The following DLG2 variants were observed in gnomAD, a reference collection of about 807,000 sequenced individuals.
The protein encoded by DLG2 is disks large homolog 2.
DLG2 carries 45 observed loss-of-function variants against 132.5 expected under a neutral mutation model. The observed-to-expected ratio is 0.34, with a 90% CI of 0.27 to 0.44. The LOEUF is 0.44. DLG2 is among the 20% of genes least tolerant of loss of function. DLG2 has a pLI of 1.00. For synonymous variants in DLG2, 424 were observed against 419.6 expected, an observed-to-expected ratio of 1.01 and a Z score of -0.13; for missense variants, 1,045 against 1,196.9, an observed-to-expected ratio of 0.87 and a Z score of 1.87.
At chr11:84,499,964 T>G (rs1207668231) in intron 7 of DLG2, among the ~76,000 whole-genome samples, 1 of 152,162 alleles carries the variant, frequency 6.6e-6, no homozygotes, top group East Asian at 1.9e-4. Context: ...ATCTATTCAT[T>G]TATTTAAAAT....
At chr11:85,555,899 C>A (rs1381493079) in intron 3 of DLG2, among the ~76,000 whole-genome samples, 2 of 151,872 alleles carry the variant, frequency 1.3e-5, no homozygotes, top group African/African-American at 4.8e-5. Context: ...ATTGTCTATA[C>A]CTCCCATTTC....
chr11:84,681,381 A>G (rs1298040690), intron 6 of DLG2, among the ~76,000 whole-genome samples: 1 of 152,214 alleles, frequency 6.6e-6, no homozygotes, highest in Non-Finnish European at 1.5e-5. Context: ...CAAAAAGCTT[A>G]GGTACTTGAA....
chr11:85,425,024 A>C (rs2090603061), intron 3 of DLG2, among the ~76,000 whole-genome samples: 1 of 42,000 alleles, frequency 2.4e-5, no homozygotes, highest in Admixed American at 2.0e-4. Flanking sequence ...AGAGCAAAAA[A>C]CAAACAAACA....
chr11:84,845,802 CTT>C (rs1394412381), intron 6 of DLG2, among the ~76,000 whole-genome samples: 3 of 151,672 alleles, frequency 2.0e-5, no homozygotes, highest in Admixed American at 6.6e-5. Context: ...GCCTCAGCCT[CTT>C]GAGTAGCTGG....
At chr11:84,854,932 T>TAA (rs935338865) in intron 6 of DLG2, among the ~76,000 whole-genome samples, 6 of 152,062 alleles carry the variant, frequency 3.9e-5, no homozygotes, top group Non-Finnish European at 5.9e-5. Context: ...GGGCAGTTGC[T>TAA]AAACTGTCTA....
At chr11:84,832,816 C>A (rs1001414991) in intron 6 of DLG2, among the ~76,000 whole-genome samples, 7 of 151,492 alleles carry the variant, frequency 4.6e-5, no homozygotes, top group South Asian at 2.1e-4. Flanking sequence ...GCAATTCCCC[C>A]CTCCGCCCCC....
chr11:84,880,733 A>G (rs536480032), intron 6 of DLG2, among the ~76,000 whole-genome samples: 68 of 152,256 alleles, frequency 4.5e-4, no homozygotes, highest in African/African-American at 1.6e-3. Context: ...ATTTTTGTAC[A>G]TAATAGTCAA....
chr11:85,465,405 G>T (rs545493120), intron 3 of DLG2, among the ~76,000 whole-genome samples: 4 of 151,960 alleles, frequency 2.6e-5, no homozygotes, highest in Middle Eastern at 3.4e-3. Flanking sequence ...GCTGCACCCA[G>T]TAACTCGTCA....
intron 7 of DLG2, among the ~76,000 whole-genome samples, chr11:84,350,935 T>A (rs965181870): frequency 1.3e-5 from 2 of 152,124 alleles, no homozygotes; most frequent in African/African-American, 4.8e-5. Flanking sequence ...CCTATTCCTA[T>A]CCCTCCCCTT....
chr11:83,991,090 A>G (rs1050835009), intron 11 of DLG2, among the ~76,000 whole-genome samples: 9 of 152,320 alleles, frequency 5.9e-5, no homozygotes, highest in African/African-American at 2.2e-4. Flanking sequence ...AAATACCAAA[A>G]AAAAGTATGT....
chr11:85,097,209 T>A (rs919045175), intron 6 of DLG2, among the ~76,000 whole-genome samples: 2 of 152,154 alleles, frequency 1.3e-5, no homozygotes, highest in African/African-American at 4.8e-5. Flanking sequence ...GTTTCTCCTA[T>A]AAGAATGATT....
At chr11:85,626,298 G>T (rs1246872830) in intron 2 of DLG2, among the ~76,000 whole-genome samples, 1 of 152,116 alleles carries the variant, frequency 6.6e-6, no homozygotes, top group Non-Finnish European at 1.5e-5. Flanking sequence ...CCTTCAACAA[G>T]CTAAGAAAAC....
At chr11:84,345,072 G>A (rs1446953852) in intron 7 of DLG2, among the ~76,000 whole-genome samples, 2 of 152,144 alleles carry the variant, frequency 1.3e-5, no homozygotes, top group African/African-American at 4.8e-5. Context: ...CTTTGGCTGA[G>A]GGTCCAATCG....
chr11:83,463,330 T>C (rs2090401458), intron 26 of DLG2, among the ~76,000 whole-genome samples: 1 of 152,184 alleles, frequency 6.6e-6, no homozygotes, highest in Admixed American at 6.5e-5. Flanking sequence ...TCCTGAACTC[T>C]TGTTGCTAAA....
chr11:84,282,657 A>G lies in DLG2; in HGVS notation c.520-31366T>C, dbSNP rs374827374. On this transcript the variant is annotated intron_variant, in intron 7 of 27. Transcript: ENST00000376104. ...TCTCCTTGAAGAGGGGTTGGGGGAG[A>G]AAAAAAAGCTTAGAAAGCAATGACC... 4.4e-4 allele frequency among the ~76,000 whole-genome samples: 67 copies of G among 151,936 alleles called. 1 individual carries two copies. In the South Asian group the frequency reaches 0.013, roughly 30 times the overall value.
chr11:85,063,149 C>T (rs2064360037), intron 6 of DLG2, among the ~76,000 whole-genome samples: 2 of 151,788 alleles, frequency 1.3e-5, no homozygotes, highest in African/African-American at 2.4e-5. Flanking sequence ...GAGTGTTAGC[C>T]GCTAAGGCTT....
chr11:83,473,776 T>C (rs1353861303), intron 22 of DLG2, among the ~76,000 whole-genome samples: 1 of 152,054 alleles, frequency 6.6e-6, no homozygotes, highest in East Asian at 1.9e-4. Flanking sequence ...CTGAAGCACA[T>C]TCATAGTCTA....
chr11:85,026,242 A>G (rs2060502169), intron 6 of DLG2, among the ~76,000 whole-genome samples: 1 of 152,214 alleles, frequency 6.6e-6, no homozygotes, highest in South Asian at 2.1e-4. Flanking sequence ...CTTAAATATG[A>G]AGAGTTCTGC....
At chr11:85,581,095 C>T (rs1054599298) in intron 3 of DLG2, among the ~76,000 whole-genome samples, 4 of 152,104 alleles carry the variant, frequency 2.6e-5, no homozygotes, top group African/African-American at 9.7e-5. Context: ...AGCTCTCTTC[C>T]TACCGGGCCC....
Sources: gnomAD v4.1 joint callset for allele counts (sites outside exome capture counted in the v4.1 genomes callset) on GRCh38, gnomAD v4.1.1 for gene constraint, MANE v1.5 for transcripts, NCBI Gene and HGNC (gene_info 2026-07-23, HGNC 2026-07-21) for gene names.